Variants in CCDC148 observed in about 807,000 individuals in gnomAD.
CCDC148 encodes the protein coiled-coil domain containing 148, also known as coiled-coil domain-containing protein 148.
CCDC148 carries 89 observed loss-of-function variants against 85.7 expected under a neutral mutation model. The observed-to-expected ratio is 1.04, with a 90% CI of 0.87 to 1.24. CCDC148 has a LOEUF of 1.24. Ranked by LOEUF, CCDC148 falls within the 50% of genes most tolerant of loss-of-function variation. CCDC148 has a pLI of 0.00. For missense variants in CCDC148, 692 were observed against 671.7 expected (o/e 1.03, Z -0.33); for synonymous variants, 230 against 213.9 (o/e 1.08, Z -0.66).
chr2:158,266,597 T>A (rs1263839464), intron 9 of CCDC148, among the ~76,000 whole-genome samples: 1 of 152,100 alleles, frequency 6.6e-6, no homozygotes, highest in Non-Finnish European at 1.5e-5. Flanking sequence ...TGAACCCAAT[T>A]TGTAGTCCTT....
intron 11 of CCDC148, among the ~76,000 whole-genome samples, chr2:158,184,787 A>T (rs1013270154): frequency 6.6e-6 from 1 of 152,106 alleles, no homozygotes; most frequent in Non-Finnish European, 1.5e-5. Flanking sequence ...GTCATTCTCA[A>T]ATGAGCGTAC....
chr2:158,336,410 T>C (rs1447893292), intron 7 of CCDC148, among the ~76,000 whole-genome samples: 1 of 152,206 alleles, frequency 6.6e-6, no homozygotes, highest in African/African-American at 2.4e-5. Context: ...TTTTCTTTAG[T>C]TGACATTTGC....
chr2:158,320,753 A>T (rs1440680391), intron 7 of CCDC148, among the ~76,000 whole-genome samples: 5 of 152,238 alleles, frequency 3.3e-5, no homozygotes, highest in Non-Finnish European at 5.9e-5. Flanking sequence ...AGTGAAGAAT[A>T]GAAACCCCTT....
At chr2:158,231,336 A>T (rs1687849412) in intron 10 of CCDC148, among the ~76,000 whole-genome samples, 1 of 152,174 alleles carries the variant, frequency 6.6e-6, no homozygotes, top group African/African-American at 2.4e-5. Flanking sequence ...CACCTCCTCA[A>T]ATCTTCTCCT....
chr2:158,417,782 T>C (rs970328094), intron 1 of CCDC148, among the ~76,000 whole-genome samples: 5 of 152,172 alleles, frequency 3.3e-5, no homozygotes, highest in Admixed American at 3.3e-4. Context: ...GTGTAAAACA[T>C]TGTGCATTTT....
At position 158,346,556 on chromosome 2, in the gene CCDC148, C is replaced by T. The variant is rs375869892; in HGVS notation, c.148-1238G>A. ...ATAAACATTTTCCTACATTAAAAAC[C>T]GCTCTACTCTAAATCCTCAAGTGAT... On this transcript the variant is annotated intron_variant, in intron 2 of 13. Transcript: ENST00000283233. Among the ~76,000 whole-genome samples the T allele has an allele frequency of 1.8e-4, 27 of 152,258 alleles. No homozygotes were observed. In the East Asian group the frequency reaches 4.4e-3, roughly 25 times the overall value.
At chr2:158,331,105 T>C (rs1693085601) in intron 7 of CCDC148, among the ~76,000 whole-genome samples, 1 of 152,208 alleles carries the variant, frequency 6.6e-6, no homozygotes, top group East Asian at 1.9e-4. Context: ...GATGTTAGGG[T>C]GCCAATTTTA....
chr2:158,300,676 GA>G (rs1691398196), intron 9 of CCDC148, among the ~76,000 whole-genome samples: 1 of 152,174 alleles, frequency 6.6e-6, no homozygotes, highest in African/African-American at 2.4e-5. Context: ...GAGTGAGAGT[GA>G]ATTACAAGGA....
At chr2:158,290,324 A>G (rs1368973527) in intron 9 of CCDC148, among the ~76,000 whole-genome samples, 3 of 152,192 alleles carry the variant, frequency 2.0e-5, no homozygotes, top group Non-Finnish European at 4.4e-5. Flanking sequence ...TCTCTAACCT[A>G]GCTTACTGCA....
At chr2:158,447,994 T>A (rs1333827442) in intron 1 of CCDC148, among the ~76,000 whole-genome samples, 1 of 152,182 alleles carries the variant, frequency 6.6e-6, no homozygotes, top group Admixed American at 6.5e-5. Context: ...TTCTACTGTT[T>A]TCAGATATAA....
intron 1 of CCDC148, among the ~76,000 whole-genome samples, chr2:158,410,077 G>A (rs1165809662): frequency 2.6e-5 from 4 of 152,112 alleles, no homozygotes; most frequent in South Asian, 2.1e-4. Context: ...TCTTAGGTAC[G>A]TCTTTATCAG....
At chr2:158,251,084 G>T (rs947216418) in intron 9 of CCDC148, among the ~76,000 whole-genome samples, 172 bp from the exon 10 acceptor site, 1 of 151,550 alleles carries the variant, frequency 6.6e-6, no homozygotes, top group African/African-American at 2.4e-5. Flanking sequence ...GTGTGTTAGG[G>T]TTAAAAGGAA....
At chr2:158,353,379 A>G (rs187390702) in intron 2 of CCDC148, among the ~76,000 whole-genome samples, 2,481 of 150,754 alleles carry the variant, frequency 0.016, 39 homozygotes, top group East Asian at 0.066. Context: ...AGGATGGAGG[A>G]AGATCTACCA....
chr2:158,322,290 CAGTCATACATTGTAATACTATCCATCTA>C (rs1692555823), intron 7 of CCDC148, among the ~76,000 whole-genome samples: 1 of 152,010 alleles, frequency 6.6e-6, no homozygotes, highest in Admixed American at 6.6e-5. Flanking sequence ...GTATGTGATA[CAGTCATACATTGTAATACTATCCATCTA>C]ATTTAAAAAT....
intron 10 of CCDC148, among the ~76,000 whole-genome samples, chr2:158,225,854 G>A (rs1486460419): frequency 6.6e-6 from 1 of 152,070 alleles, no homozygotes; most frequent in African/African-American, 2.4e-5. Context: ...GAGAAAGCAG[G>A]AAAGATCCAA....
chr2:158,268,345 G>C (rs1306407318), intron 9 of CCDC148, among the ~76,000 whole-genome samples: 1 of 152,010 alleles, frequency 6.6e-6, no homozygotes, highest in Non-Finnish European at 1.5e-5. Context: ...TAAAGCATTT[G>C]CCTGACCTCC....
intron 1 of CCDC148, among the ~76,000 whole-genome samples, chr2:158,434,790 A>G (rs187518797): frequency 6.6e-6 from 1 of 152,362 alleles, no homozygotes; most frequent in Non-Finnish European, 1.5e-5. Context: ...AAATGACCTG[A>G]TGGAGCTGAA....
At chr2:158,214,549 C>T (rs1321141614) in intron 11 of CCDC148, among the ~76,000 whole-genome samples, 1 of 152,102 alleles carries the variant, frequency 6.6e-6, no homozygotes, top group Admixed American at 6.5e-5. Context: ...AGAAAAAGCA[C>T]AATAATATTC....
intron 9 of CCDC148, among the ~76,000 whole-genome samples, chr2:158,260,261 C>T (rs917239280): frequency 4.6e-5 from 7 of 151,808 alleles, no homozygotes; most frequent in African/African-American, 1.7e-4. Flanking sequence ...AGACAAAAAC[C>T]ACATGATTAT....
Sources: gnomAD v4.1 joint callset for allele counts (sites outside exome capture counted in the v4.1 genomes callset) on GRCh38, gnomAD v4.1.1 for gene constraint, MANE v1.5 for transcripts, NCBI Gene and HGNC (gene_info 2026-07-23, HGNC 2026-07-21) for gene names.